The following FBXL7 variants were observed in gnomAD, a reference collection of about 807,000 sequenced individuals.
The protein encoded by FBXL7 is F-box and leucine rich repeat protein 7.
FBXL7 carries 12 observed loss-of-function variants against 38.3 expected under a neutral mutation model. That is an observed-to-expected ratio of 0.31 (90% CI 0.20 to 0.51). The LOEUF is 0.51. Ranked by LOEUF, FBXL7 falls within the 20% of genes least tolerant of loss-of-function variation. The pLI, the probability that FBXL7 is intolerant of heterozygous loss-of-function variation, is 0.98. For missense variants in FBXL7, 567 were observed against 676.4 expected (o/e 0.84, Z 1.79); for synonymous variants, 297 against 300.9 (o/e 0.99, Z 0.13).
intron 2 of FBXL7, among the ~76,000 whole-genome samples, chr5:15,679,303 AG>A (rs138252854): frequency 6.6e-6 from 1 of 152,352 alleles, no homozygotes; most frequent in Non-Finnish European, 1.5e-5. Context: ...GGTTTTACTC[AG>A]TGCTGATAAA....
At chr5:15,833,560 A>C (rs775351115) in intron 2 of FBXL7, among the ~76,000 whole-genome samples, 25 of 152,216 alleles carry the variant, frequency 1.6e-4, no homozygotes, top group Non-Finnish European at 3.4e-4. Flanking sequence ...CTGATGATTT[A>C]ATTTCAGCAA....
chr5:15,561,488 T>C (rs1561028331), intron 1 of FBXL7, among the ~76,000 whole-genome samples: 1 of 152,198 alleles, frequency 6.6e-6, no homozygotes, highest in Non-Finnish European at 1.5e-5. Context: ...GTTGTTTCCA[T>C]ATCTTGGCTA....
At chr5:15,715,384 G>A (rs1177667943) in intron 2 of FBXL7, among the ~76,000 whole-genome samples, 1 of 151,874 alleles carries the variant, frequency 6.6e-6, no homozygotes, top group South Asian at 2.1e-4. Context: ...CCAGCTACTC[G>A]GGAGGCTGAG....
intron 2 of FBXL7, among the ~76,000 whole-genome samples, chr5:15,726,140 C>A (rs1402830748): frequency 1.3e-5 from 2 of 152,160 alleles, no homozygotes; most frequent in African/African-American, 4.8e-5. Flanking sequence ...TAACCTTTGA[C>A]TTAAAGTATA....
chr5:15,578,436 T>G (rs1739036107), intron 1 of FBXL7, among the ~76,000 whole-genome samples: 1 of 151,748 alleles, frequency 6.6e-6, no homozygotes, highest in Non-Finnish European at 1.5e-5. Flanking sequence ...ACATTGGGAG[T>G]CTGACAGATA....
At chr5:15,517,473 G>A (rs912037003) in intron 1 of FBXL7, among the ~76,000 whole-genome samples, 24 of 152,138 alleles carry the variant, frequency 1.6e-4, no homozygotes, top group African/African-American at 5.8e-4. Context: ...GAGCTTGCCA[G>A]GTGTGGCTGG....
At chr5:15,893,130 A>G (rs1178930504) in intron 2 of FBXL7, among the ~76,000 whole-genome samples, 1 of 151,784 alleles carries the variant, frequency 6.6e-6, no homozygotes, top group African/African-American at 2.4e-5. Flanking sequence ...AAAAAAAAAA[A>G]AGAAATCAAG....
At chr5:15,509,181 C>T (rs1229375581) in intron 1 of FBXL7, among the ~76,000 whole-genome samples, 1 of 152,148 alleles carries the variant, frequency 6.6e-6, no homozygotes, top group Non-Finnish European at 1.5e-5. Context: ...TTTTGTATAG[C>T]ACAGGGTCTG....
intron 2 of FBXL7, among the ~76,000 whole-genome samples, chr5:15,838,634 A>C (rs550685781): frequency 1.3e-5 from 2 of 152,216 alleles, no homozygotes; most frequent in Non-Finnish European, 2.9e-5. Flanking sequence ...ATATCAATGC[A>C]TATTTCAGCT....
intron 2 of FBXL7, among the ~76,000 whole-genome samples, chr5:15,914,663 A>C (rs1043136990): frequency 6.6e-6 from 1 of 152,252 alleles, no homozygotes; most frequent in African/African-American, 2.4e-5. Flanking sequence ...AAATGTTCCA[A>C]CTTCTTCAAT....
At chr5:15,704,994 T>TA in intron 2 of FBXL7, among the ~76,000 whole-genome samples, 2 of 151,940 alleles carry the variant, frequency 1.3e-5, no homozygotes, top group East Asian at 3.9e-4. Context: ...AATATATATA[T>TA]ACTTAGGCAA....
At chr5:15,858,506 A>G (rs1219439887) in intron 2 of FBXL7, among the ~76,000 whole-genome samples, 1 of 152,180 alleles carries the variant, frequency 6.6e-6, no homozygotes, top group African/African-American at 2.4e-5. Flanking sequence ...CTTTGAGGGC[A>G]TTTATTGTTA....
intron 2 of FBXL7, among the ~76,000 whole-genome samples, chr5:15,757,388 C>G (rs1457770378): frequency 1.3e-5 from 2 of 152,078 alleles, no homozygotes; most frequent in African/African-American, 2.4e-5. Flanking sequence ...TTGAAGAATG[C>G]TTTGAATTCT....
rs533063621 is a variant in FBXL7, at chr5:15,620,232, T to TTC, written c.127+4161_127+4162insCT. Among the ~76,000 whole-genome samples the TTC allele has an allele frequency of 1.8e-3, 264 of 145,394 alleles. 1 individual carries two copies. The highest frequency in any genetic ancestry group is 6.5e-3 in the African/African-American group (257 of 39,336). On this transcript the variant is annotated intron_variant, in intron 2 of 3. Coordinates refer to ENST00000504595, the MANE Select transcript of FBXL7 (RefSeq NM_012304.5). ...TCATCACAAACTATTCTTTTTTTCT[T>TTC]TTTTTTTTTTTTTTGTTGAGACAGA...
intron 1 of FBXL7, among the ~76,000 whole-genome samples, chr5:15,601,425 A>G (rs1226752686): frequency 6.6e-6 from 1 of 152,192 alleles, no homozygotes; most frequent in African/African-American, 2.4e-5. Flanking sequence ...TCAGAAACCC[A>G]GCTGTGAAGC....
At chr5:15,711,364 A>C (rs1325574254) in intron 2 of FBXL7, among the ~76,000 whole-genome samples, 1 of 152,208 alleles carries the variant, frequency 6.6e-6, no homozygotes, top group Non-Finnish European at 1.5e-5. Context: ...GTATGAAGAA[A>C]TGAAGATACC....
intron 2 of FBXL7, among the ~76,000 whole-genome samples, chr5:15,785,210 G>A (rs148825349): frequency 3.9e-5 from 6 of 152,164 alleles, no homozygotes; most frequent in East Asian, 1.9e-4. Flanking sequence ...GCTCTGCATC[G>A]CTCTGACCAA....
intron 2 of FBXL7, among the ~76,000 whole-genome samples, chr5:15,727,435 T>C (rs1376500049): frequency 6.6e-6 from 1 of 152,230 alleles, no homozygotes; most frequent in African/African-American, 2.4e-5. Context: ...GGGAATGTCT[T>C]CATTTCTTCC....
chr5:15,501,765 C>T, intron 1 of FBXL7: 1 of 984,146 alleles, frequency 1.0e-6, no homozygotes, highest in Non-Finnish European at 1.2e-6. Flanking sequence ...TGTGAAATTA[C>T]AGCAGAAACC....
Sources: gnomAD v4.1 joint callset for allele counts (sites outside exome capture counted in the v4.1 genomes callset) on GRCh38, gnomAD v4.1.1 for gene constraint, MANE v1.5 for transcripts, NCBI Gene and HGNC (gene_info 2026-07-23, HGNC 2026-07-21) for gene names.